Variants in ZRANB3 observed in about 807,000 individuals in gnomAD.
The protein encoded by ZRANB3 is DNA annealing helicase and endonuclease ZRANB3.
A neutral mutation model predicts 133.8 loss-of-function variants in ZRANB3; 125 were observed. The ratio of observed to expected loss-of-function variants is 0.93; its 90% CI spans 0.81 to 1.08. The LOEUF (loss-of-function observed/expected upper bound fraction) is 1.08, where lower values mean the gene tolerates loss of function less well. ZRANB3 is among the 50% of genes least tolerant of loss of function. ZRANB3 has a pLI of 0.00. For missense variants in ZRANB3, 1,229 were observed against 1,275.5 expected, an observed-to-expected ratio of 0.96 and a Z score of 0.56; for synonymous variants, 387 against 432.7, an observed-to-expected ratio of 0.89 and a Z score of 1.31.
chr2:135,291,725 C>T (rs1228023958), intron 8 of ZRANB3, among the ~76,000 whole-genome samples: 3 of 151,910 alleles, frequency 2.0e-5, no homozygotes, highest in Admixed American at 6.6e-5. Flanking sequence ...AGGTGTATCT[C>T]CTAATGCTAT....
At chr2:135,408,700 T>C (rs896906663) in intron 2 of ZRANB3, among the ~76,000 whole-genome samples, 9 of 151,998 alleles carry the variant, frequency 5.9e-5, no homozygotes, top group African/African-American at 2.2e-4. Flanking sequence ...CTGGAAACCA[T>C]CATTCTCAGC....
chr2:135,417,848 A>T (rs1688659988), intron 2 of ZRANB3, among the ~76,000 whole-genome samples: 2 of 152,166 alleles, frequency 1.3e-5, no homozygotes, highest in Non-Finnish European at 2.9e-5. Flanking sequence ...CTCTCAGTAA[A>T]CTATCGCAAG....
intron 1 of ZRANB3, among the ~76,000 whole-genome samples, chr2:135,522,150 T>C (rs139440129): frequency 0.032 from 4,834 of 152,222 alleles, 248 homozygotes; most frequent in African/African-American, 0.11. Flanking sequence ...AGATCTTAAG[T>C]AGTTTAGACA....
chr2:135,313,438 C>A, intron 8 of ZRANB3, 51 bp downstream of exon 8: 3 of 1,155,340 alleles, frequency 2.6e-6, no homozygotes, highest in Non-Finnish European at 3.8e-6. Context: ...CAGTAAAAGA[C>A]ATTGAATAAT....
intron 2 of ZRANB3, among the ~76,000 whole-genome samples, chr2:135,503,396 C>A (rs577453959): frequency 6.6e-6 from 1 of 152,304 alleles, no homozygotes; most frequent in East Asian, 1.9e-4. Flanking sequence ...CTCTACCAAG[C>A]ATTTACTCTA....
chr2:135,521,403 C>T (rs1483363224), intron 1 of ZRANB3, among the ~76,000 whole-genome samples: 3 of 152,000 alleles, frequency 2.0e-5, no homozygotes, highest in Admixed American at 1.3e-4. Context: ...AAAAATTAGC[C>T]GGGCATGGTG....
chr2:135,236,529 C>T (rs1334039510), intron 12 of ZRANB3, among the ~76,000 whole-genome samples: 14 of 152,204 alleles, frequency 9.2e-5, no homozygotes, highest in Non-Finnish European at 1.9e-4. Flanking sequence ...CACTACCTGA[C>T]TTCAAGCTAT....
intron 2 of ZRANB3, among the ~76,000 whole-genome samples, chr2:135,441,791 A>G (rs1689791965): frequency 1.3e-5 from 2 of 152,264 alleles, no homozygotes; most frequent in South Asian, 2.1e-4. Flanking sequence ...ACAATTAAGA[A>G]AAAAAACTTT....
intron 2 of ZRANB3, among the ~76,000 whole-genome samples, chr2:135,492,044 C>A (rs1329631406): frequency 2.6e-5 from 4 of 152,110 alleles, no homozygotes; most frequent in Non-Finnish European, 5.9e-5. Flanking sequence ...GGATTCCAAA[C>A]CAAACCTTTA....
In ZRANB3 at chr2:135,504,460, A is replaced by G. The variant is rs374229804; in HGVS notation, c.30T>C (p.Ser10=). 6.2e-7 allele frequency: 1 copy of G among 1,613,398 alleles called. No homozygotes were observed. Among genetic ancestry groups the G allele is most frequent in the East Asian group, 2.2e-5 (1 of 44,796 alleles). The part of the protein sequence containing the change: MPRVHNIKK[S]LTPHISCVTN... ...TCACACAAGAAATGTGAGGTGTAAG[A>G]GACTTTTTTATGTTATGAACCCTAG... The change falls in exon 2 of 21, where the codon TCT becomes TCC. Residue 10 remains serine, a synonymous_variant. Coordinates refer to ENST00000264159, the MANE Select transcript of ZRANB3 (RefSeq NM_032143.4).
Position 135,200,490 on chromosome 2 carries a change from C to G in ZRANB3, c.3142-50G>C, listed in dbSNP as rs776787942. On this transcript the variant is annotated intron_variant, in intron 20 of 20. Transcript: ENST00000264159. ...GTACACGTTAGGAAAAAAGCACCGG[C>G]TACAAAAGCTCAAAAACTCTTTATA... 9.1e-6 allele frequency: 13 copies of G among 1,422,710 alleles called. No individual in the cohort carries two copies. In the East Asian group the frequency reaches 2.7e-4, roughly 29 times the overall value. 88.1% of individuals were successfully genotyped at this position (1,422,710 alleles called of 1,614,324 possible). A position where few individuals can be genotyped will look rare whatever the true frequency, so the allele number is the denominator to read the frequency against.
At chr2:135,530,583 C>A (rs1218230060) in intron 1 of ZRANB3, 1 of 152,238 alleles carries the variant, frequency 6.6e-6, no homozygotes, top group Non-Finnish European at 1.5e-5. Flanking sequence ...CGTGTCCGCC[C>A]CTAAGCGGAA....
At chr2:135,434,163 C>CA (rs565600161) in intron 2 of ZRANB3, among the ~76,000 whole-genome samples, 110 of 151,796 alleles carry the variant, frequency 7.2e-4, no homozygotes, top group South Asian at 5.8e-3. Flanking sequence ...GACTCCATCT[C>CA]AAAAAAAAGA....
At chr2:135,392,885 G>GTT (rs111582673) in intron 2 of ZRANB3, among the ~76,000 whole-genome samples, 36 of 148,076 alleles carry the variant, frequency 2.4e-4, no homozygotes, top group East Asian at 3.9e-4. Context: ...ATGTTTTTTG[G>GTT]TTTTTTTTTT....
intron 3 of ZRANB3, among the ~76,000 whole-genome samples, chr2:135,384,582 C>G (rs1223772162): frequency 2.6e-5 from 4 of 152,028 alleles, no homozygotes; most frequent in African/African-American, 9.7e-5. Flanking sequence ...AACATTGATG[C>G]AAAAATCCTC....
At chr2:135,387,546 C>T (rs1456511180) in intron 3 of ZRANB3, among the ~76,000 whole-genome samples, 1 of 152,124 alleles carries the variant, frequency 6.6e-6, no homozygotes, top group Non-Finnish European at 1.5e-5. Context: ...GTATGTCATT[C>T]TGTTTATTTC....
chr2:135,419,701 T>C (rs1257773654), intron 2 of ZRANB3, among the ~76,000 whole-genome samples: 2 of 91,266 alleles, frequency 2.2e-5, no homozygotes, highest in Admixed American at 1.2e-4. Context: ...TCACAAAGGT[T>C]TTTTTTTTTT....
chr2:135,319,297 T>C (rs1248391317), intron 6 of ZRANB3, among the ~76,000 whole-genome samples: 1 of 152,246 alleles, frequency 6.6e-6, no homozygotes, highest in Non-Finnish European at 1.5e-5. Flanking sequence ...CACTTTTTAA[T>C]TAACCACTTA....
chr2:135,313,679 T>C (rs1683112126), intron 7 of ZRANB3, 74 bp from the exon 8 acceptor site: 3 of 895,392 alleles, frequency 3.4e-6, no homozygotes, highest in Non-Finnish European at 5.0e-6. Context: ...TCATGAATCA[T>C]GTCCTACTTT....
Sources: gnomAD v4.1 joint callset for allele counts (sites outside exome capture counted in the v4.1 genomes callset) on GRCh38, gnomAD v4.1.1 for gene constraint, MANE v1.5 for transcripts, NCBI Gene and HGNC (gene_info 2026-07-23, HGNC 2026-07-21) for gene names.